Variants in MMP26 observed in about 807,000 individuals in gnomAD.
MMP26 encodes matrix metalloproteinase-26.
A neutral mutation model predicts 31.0 loss-of-function variants in MMP26; 33 were observed. The observed-to-expected ratio is 1.06, with a 90% CI of 0.81 to 1.42. The LOEUF (loss-of-function observed/expected upper bound fraction) is 1.42, where lower values mean the gene tolerates loss of function less well. Among genes scored for constraint, MMP26 ranks in the 40% most tolerant of loss-of-function variants. The pLI is 0.00. For synonymous variants in MMP26, 122 were observed against 114.9 expected (o/e 1.06, Z -0.40); for missense variants, 347 against 316.1 (o/e 1.10, Z -0.74).
intron 1 of MMP26, among the ~76,000 whole-genome samples, chr11:4,709,043 T>A (rs752535123): frequency 2.0e-5 from 3 of 152,216 alleles, no homozygotes; most frequent in Non-Finnish European, 4.4e-5. Flanking sequence ...ATTCATTTGA[T>A]CAGGAGTATT....
chr11:4,986,932 C>CTCTCTCTCTCTCTCTCCCTCTCT (rs1564819722), intron 2 of MMP26, among the ~76,000 whole-genome samples: 3 of 60,404 alleles, frequency 5.0e-5, no homozygotes. Context: ...TCTCTCTCTC[C>CTCTCTCTCTCTCTCTCCCTCTCT]CTCTCTCTCT....
rs1848545982 is a variant in MMP26, at chr11:4,759,430, C to T, written c.-216-7840C>T. 2.0e-5 allele frequency among the ~76,000 whole-genome samples: 3 copies of T among 152,258 alleles called. No individual in the cohort carries two copies. The South Asian group carries it at 6.2e-4, about 32-fold the overall frequency. ...GTAGTATTGACAATAGCCACTGTTG[C>T]TAGTGTGCATGTCATGTGTCCATAT... is the stretch of plus-strand genomic sequence containing the variant. On this transcript the variant is annotated intron_variant, in intron 1 of 7. Coordinates refer to ENST00000380390, the MANE Select transcript of MMP26 (RefSeq NM_021801.5).
chr11:4,954,633 A>G lies in MMP26; in HGVS notation c.-144-33435A>G, dbSNP rs1372305524. ...TGGTTACAGTTTTATTCCCATTCTC[A>G]GTATCTAGAGTGAATAAAATAAGTC... On this transcript the variant is annotated intron_variant, in intron 2 of 7. Coordinates refer to ENST00000380390, the MANE Select transcript of MMP26 (RefSeq NM_021801.5). The G allele has an allele frequency of 4.5e-5, 25 of 552,130 alleles. 4 individuals carry two copies. The East Asian group carries it at 7.6e-4, about 17-fold the overall frequency. The allele number at this position is 552,130 out of a possible 1,614,324, so 34.2% of individuals were successfully genotyped here.
chr11:4,990,865 A>G (rs576544711), intron 5 of MMP26, 119 bp downstream of exon 5: 1 of 1,059,822 alleles, frequency 9.4e-7, no homozygotes, highest in Admixed American at 2.7e-5. Flanking sequence ...AAAGTCTGAC[A>G]AAACCCTACT....
chr11:4,800,205 C>A (rs1050254824), intron 2 of MMP26, among the ~76,000 whole-genome samples: 1 of 152,236 alleles, frequency 6.6e-6, no homozygotes, highest in Non-Finnish European at 1.5e-5. Context: ...TCTTCCCCTG[C>A]AGCAGGCTTC....
At chr11:4,941,739 A>C in intron 2 of MMP26, among the ~76,000 whole-genome samples, 1 of 44,940 alleles carries the variant, frequency 2.2e-5, no homozygotes, top group South Asian at 6.9e-4. Context: ...ATTCATTTTT[A>C]TAAAAAGGAA....
intron 2 of MMP26, chr11:4,769,825 A>C (rs1848691341): frequency 6.2e-7 from 1 of 1,612,888 alleles, no homozygotes; most frequent in African/African-American, 1.3e-5. Context: ...AACAGAAAGG[A>C]ATGGAGATCC....
chr11:4,922,189 G>A (rs1017092450), intron 2 of MMP26, among the ~76,000 whole-genome samples: 1 of 152,172 alleles, frequency 6.6e-6, no homozygotes, highest in African/African-American at 2.4e-5. Context: ...TTTAGTGTAG[G>A]TAACTTGCTT....
intron 2 of MMP26, among the ~76,000 whole-genome samples, chr11:4,807,793 T>G (rs927079857): frequency 6.6e-6 from 1 of 152,122 alleles, no homozygotes; most frequent in African/African-American, 2.4e-5. Context: ...AAAAATTTGT[T>G]TATTTGCTTG....
chr11:4,761,946 G>T (rs957650858), intron 1 of MMP26, among the ~76,000 whole-genome samples: 8 of 151,946 alleles, frequency 5.3e-5, no homozygotes, highest in African/African-American at 1.7e-4. Context: ...ACAGAGGAAA[G>T]AAGTTTTAGC....
At chr11:4,839,383 C>T (rs1849764145) in intron 2 of MMP26, among the ~76,000 whole-genome samples, 1 of 151,624 alleles carries the variant, frequency 6.6e-6, no homozygotes, top group Non-Finnish European at 1.5e-5. Flanking sequence ...TGGTATCATG[C>T]CTTCCCTAAC....
chr11:4,932,592 A>C (rs529120919), intron 2 of MMP26, among the ~76,000 whole-genome samples: 2 of 152,158 alleles, frequency 1.3e-5, no homozygotes, highest in South Asian at 4.1e-4. Flanking sequence ...GTCCCAGTGA[A>C]GATGCCCAGT....
intron 2 of MMP26, among the ~76,000 whole-genome samples, chr11:4,815,141 A>G (rs965077915): frequency 1.2e-4 from 18 of 152,146 alleles, no homozygotes. Context: ...CACAATTTAC[A>G]CGTGAGGGGG....
intron 1 of MMP26, chr11:4,710,035 C>T (rs139375941): frequency 2.2e-6 from 1 of 456,630 alleles, no homozygotes; most frequent in Non-Finnish European, 4.4e-6. Flanking sequence ...AGGGGAACAA[C>T]AGCTCTAGTG....
rs769530386 is a variant in MMP26, at chr11:4,986,914, TCTCTCTCTCTCTCTCTCC to T, written c.-144-1136_-144-1119del. Among the ~76,000 whole-genome samples the T allele has an allele frequency of 2.8e-3, 294 of 103,194 alleles. 3 individuals are homozygous for T. Among genetic ancestry groups the T allele is most frequent in the Non-Finnish European group, 4.6e-3 (229 of 49,524 alleles). The allele number at this position is 103,194 out of a possible 152,430, so 67.7% of individuals were successfully genotyped here. A position where few individuals can be genotyped will look rare whatever the true frequency, so the allele number is the denominator to read the frequency against. On this transcript the variant is annotated intron_variant, in intron 2 of 7. Coordinates refer to ENST00000380390, the MANE Select transcript of MMP26 (RefSeq NM_021801.5). ...TCCTTCCTTCCTTCCTTTCTCTCTC[TCTCTCTCTCTCTCTCTCC>T]CTCTCTCTCTCTCTCTCTCTCTCTC...
At chr11:4,746,470 G>A (rs1848380472) in intron 1 of MMP26, among the ~76,000 whole-genome samples, 1 of 152,178 alleles carries the variant, frequency 6.6e-6, no homozygotes. Context: ...GTTCATGTTT[G>A]TATTCTCAAT....
chr11:4,798,636 G>A (rs1849140817), intron 2 of MMP26, among the ~76,000 whole-genome samples: 1 of 152,140 alleles, frequency 6.6e-6, no homozygotes, highest in Non-Finnish European at 1.5e-5. Context: ...CAGCATGGAG[G>A]CTGACACACA....
At chr11:4,770,887 A>G (rs1335527602) in intron 2 of MMP26, among the ~76,000 whole-genome samples, 7 of 152,130 alleles carry the variant, frequency 4.6e-5, no homozygotes, top group Admixed American at 3.9e-4. Flanking sequence ...CGGATGTTAC[A>G]TGAGCAGCTG....
At position 4,705,857 on chromosome 11, in the gene MMP26, A is replaced by G. The variant is rs554936009; in HGVS notation, c.-217+812A>G. ...CAAAAAATTAGCTGGGTGTGGTGGC[A>G]TGTACCTGTAGTCCTAGCTACTCGG... On this transcript the variant is annotated intron_variant, in intron 1 of 7. Coordinates refer to ENST00000380390, the MANE Select transcript of MMP26 (RefSeq NM_021801.5). 2.8e-5 allele frequency among the ~76,000 whole-genome samples: 4 copies of G among 140,582 alleles called. No homozygotes were observed. In the South Asian group the frequency reaches 6.4e-4, roughly 22 times the overall value. 92.2% of individuals were successfully genotyped at this position (140,582 alleles called of 152,430 possible). A position where few individuals can be genotyped will look rare whatever the true frequency, so the allele number is the denominator to read the frequency against.
Sources: allele counts gnomAD v4.1 joint callset (sites outside exome capture counted in the v4.1 genomes callset), GRCh38; gene constraint gnomAD v4.1.1; transcripts MANE v1.5; gene names NCBI Gene and HGNC (gene_info 2026-07-23, HGNC 2026-07-21).